Variants in ASNSD1 observed in about 807,000 individuals in gnomAD.
ASNSD1 encodes the protein asparagine synthetase domain containing 1.
In ASNSD1, 36 loss-of-function variants were observed where a neutral mutation model predicts 48.3. The observed-to-expected ratio is 0.75, with a 90% CI of 0.57 to 0.99. ASNSD1 has a LOEUF of 0.99. Ranked by LOEUF, ASNSD1 falls within the 50% of genes least tolerant of loss-of-function variation. ASNSD1 has a pLI of 0.00. For synonymous variants in ASNSD1, 257 were observed against 262.1 expected (o/e 0.98, Z 0.19); for missense variants, 714 against 758.2 (o/e 0.94, Z 0.69).
At chr2:189,661,708 G>A (rs573642262) in intron 1 of ASNSD1, 98 bp downstream of exon 1, 716 of 398,792 alleles carry the variant, frequency 1.8e-3, no homozygotes, top group Non-Finnish European at 2.7e-3. Context: ...GCCTGCCTGG[G>A]CCTCGGCTTT....
At chr2:189,670,355 G>C in intron 5 of ASNSD1, 86 bp from the exon 6 acceptor site, 1 of 1,151,018 alleles carries the variant, frequency 8.7e-7, no homozygotes, top group Non-Finnish European at 1.2e-6. Flanking sequence ...AAACAATTTG[G>C]TTAAATTTTA....
chr2:189,667,048 A>G lies in ASNSD1; in HGVS notation c.916A>G (p.Asn306Asp), dbSNP rs1189016175. 3.1e-6 allele frequency: 5 copies of G among 1,614,070 alleles called. No homozygotes were observed. The highest frequency in any genetic ancestry group is 4.2e-6 in the Non-Finnish European group (5 of 1,179,974). The change falls in exon 4 of 6, where the codon AAC becomes GAC. Residue 306 changes from asparagine (N) to aspartate (D), a missense_variant. By Grantham distance (23) the Asn-to-Asp change is conservative. Coordinates refer to ENST00000260952, the MANE Select transcript of ASNSD1 (RefSeq NM_019048.4). ...KRVLCLPRDE[N>D]LTANEVLKTC... ...TGTCTTGTGTTTACCTAGGGATGAA[A>G]ACCTGACAGCAAATGAAGTTTTGAA... is the stretch of plus-strand genomic sequence containing the variant.
chr2:189,665,939 TG>T, intron 3 of ASNSD1, 101 bp from the exon 4 acceptor site: 3 of 520,206 alleles, frequency 5.8e-6, no homozygotes, highest in Non-Finnish European at 9.9e-6. Flanking sequence ...TGTGTTTATA[TG>T]GTTTGATTTT....
At position 189,662,051 on chromosome 2, in the gene ASNSD1, C is replaced by G. The variant is rs143811884; in HGVS notation, c.-223+441C>G. On this transcript the variant is annotated intron_variant, in intron 1 of 5. Coordinates refer to ENST00000260952, the MANE Select transcript of ASNSD1 (RefSeq NM_019048.4). ...ATATGTCCCTTTATCACCGTGAACACTCTTACCACCCCAAATAAGCCACCG... is the reference window on the plus strand; with the variant it reads ...ATATGTCCCTTTATCACCGTGAACAGTCTTACCACCCCAAATAAGCCACCG... 3.2e-3 allele frequency among the ~76,000 whole-genome samples: 486 copies of G among 152,272 alleles called. 1 individual carries two copies. The highest frequency in any genetic ancestry group is 0.011 in the African/African-American group (470 of 41,558).
chr2:189,668,027 T>C, intron 5 of ASNSD1, 82 bp downstream of exon 5: 1 of 1,342,826 alleles, frequency 7.4e-7, no homozygotes, highest in Non-Finnish European at 1.0e-6. Flanking sequence ...GTTTGTTTTC[T>C]CTTTGGAGAC....
chr2:189,664,780 T>C (rs1179328274), intron 2 of ASNSD1, among the ~76,000 whole-genome samples: 1 of 151,556 alleles, frequency 6.6e-6, no homozygotes, highest in East Asian at 1.9e-4. Context: ...GCAGAATTAA[T>C]ACAGACTTTC....
At chr2:189,662,038 A>G (rs1479180403) in intron 1 of ASNSD1, among the ~76,000 whole-genome samples, 2 of 152,078 alleles carry the variant, frequency 1.3e-5, no homozygotes, top group Admixed American at 6.5e-5. Context: ...ATGTCCCTTT[A>G]TCACCGTGAA....
At position 189,667,077 on chromosome 2, in the gene ASNSD1, G is replaced by A. The variant is rs765347434; in HGVS notation, c.945G>A (p.Thr315=). ...TGACAGCAAATGAAGTTTTGAAAAC[G>A]TGTGATAGGAAAGCAAATGTTGCAA... is the stretch of plus-strand genomic sequence containing the variant. ...ENLTANEVLK[T]CDRKANVAIL... Residue 315 remains threonine, a synonymous_variant, in exon 4 of 6, where the codon ACG becomes ACA. Coordinates refer to ENST00000260952, the MANE Select transcript of ASNSD1 (RefSeq NM_019048.4). 11 of 1,614,124 alleles carry A rather than the reference G, an allele frequency of 6.8e-6. No individual in the cohort carries two copies. The highest frequency in any genetic ancestry group is 3.3e-5 in the Admixed American group (2 of 60,016).
rs990000625 is a variant in ASNSD1 at position 189,663,960 on chromosome 2, T to C, written c.-169+6T>C. The stretch of plus-strand genomic sequence containing the variant: ...CTAACCTTAAGAAGAATAGGGTGAG[T>C]TATTATAGGAATTCTGAATAATATG... On this transcript the variant is annotated splice_donor_region_variant and intron_variant, in intron 2 of 5. Transcript: ENST00000260952. 7.7e-6 allele frequency: 3 copies of C among 387,732 alleles called. No individual in the cohort carries two copies. In the East Asian group the frequency reaches 1.1e-4, roughly 14 times the overall value. 24.0% of individuals were successfully genotyped at this position (387,732 alleles called of 1,614,324 possible). A position where few individuals can be genotyped will look rare whatever the true frequency, so the allele number is the denominator to read the frequency against.
rs2032805664 is a variant in ASNSD1 at position 189,666,419 on chromosome 2, T to G, written c.287T>G (p.Phe96Cys). The G allele has an allele frequency of 1.2e-6, 2 of 1,613,900 alleles. No homozygotes were observed. Among genetic ancestry groups the G allele is most frequent in the South Asian group, 2.2e-5 (2 of 91,080 alleles). Residue 96 changes from phenylalanine to cysteine, a missense_variant, in exon 4 of 6, where the codon TTT becomes TGT. By Grantham distance (205) the Phe-to-Cys change is radical (BLOSUM62 -2). Coordinates refer to ENST00000260952, the MANE Select transcript of ASNSD1 (RefSeq NM_019048.4). ...GAAGAGAATGACACTCAAATTTTGTTTAATTATCTTTCCTCCTGTAAGAAT... is the reference window on the plus strand; with the variant it reads ...GAAGAGAATGACACTCAAATTTTGTGTAATTATCTTTCCTCCTGTAAGAAT... ...EAEENDTQIL[F>C]NYLSSCKNES...
rs150134004 is a variant in ASNSD1, at chr2:189,667,435, G to A, written c.1303G>A (p.Glu435Lys). 26 of 1,614,146 alleles carry A rather than the reference G, an allele frequency of 1.6e-5. No individual in the cohort carries two copies. In the African/African-American group the frequency reaches 3.2e-4, roughly 20 times the overall value. ...TTTTGTTGAAATTAATGTTTCTATG[G>A]AAGAACTGCAGAAATTAAGAAGAAC... Reference protein sequence around the residue: ...WNFVEINVSMEELQKLRRTRI... With the variant: ...WNFVEINVSMKELQKLRRTRI... Residue 435 changes from glutamate to lysine, a missense_variant, in exon 4 of 6, where the codon GAA (glutamate) becomes AAA (lysine). Coordinates refer to ENST00000260952, the MANE Select transcript of ASNSD1 (RefSeq NM_019048.4).
intron 1 of ASNSD1, among the ~76,000 whole-genome samples, chr2:189,663,069 C>T (rs770717171): frequency 1.1e-4 from 17 of 151,594 alleles, no homozygotes; most frequent in Non-Finnish European, 1.9e-4. Flanking sequence ...CCAAATAGGG[C>T]ATTGCTTGAT....
chr2:189,666,934 G>A lies in ASNSD1; in HGVS notation c.802G>A (p.Glu268Lys), dbSNP rs561617731. 6.2e-6 allele frequency: 10 copies of A among 1,614,094 alleles called. No homozygotes were observed. The highest frequency in any genetic ancestry group is 5.0e-5 in the Admixed American group (3 of 60,024). ...TATTTCCAATGTGCCACCTACAAGA[G>A]AGATACTTCAAGTCTTTCTTACTGA... ...SNISNVPPTR[E>K]ILQVFLTDVH... Residue 268 changes from glutamate (E) to lysine (K), a missense_variant, in exon 4 of 6, where the codon GAG (glutamate) becomes AAG (lysine). Coordinates refer to ENST00000260952, the MANE Select transcript of ASNSD1 (RefSeq NM_019048.4).
chr2:189,666,027 C>A lies in ASNSD1; in HGVS notation c.-92-14C>A. ...TTTATGTTATTTAATATTTATTCTC[C>A]TTCCCTGCAACAGATATATTGGATG... is the stretch of plus-strand genomic sequence containing the variant. On this transcript the variant is annotated splice_polypyrimidine_tract_variant and intron_variant, in intron 3 of 5. Transcript: ENST00000260952. 8.1e-7 allele frequency: 1 copy of A among 1,234,172 alleles called. No homozygotes were observed. Among genetic ancestry groups the A allele is most frequent in the Non-Finnish European group, 1.1e-6 (1 of 906,058 alleles). The allele number at this position is 1,234,172 out of a possible 1,614,324, so 76.5% of individuals were successfully genotyped here.
intron 2 of ASNSD1, 161 bp from the exon 3 acceptor site, chr2:189,665,215 A>G: frequency 2.7e-6 from 1 of 364,042 alleles, no homozygotes; most frequent in East Asian, 3.9e-5. Flanking sequence ...AATTTCTGGT[A>G]GTTGGGCAGT....
rs776372954 is a variant in ASNSD1, at chr2:189,666,045, A to G, written c.-88A>G. 168 of 1,373,994 alleles carry G rather than the reference A, an allele frequency of 1.2e-4. No individual in the cohort carries two copies. Among genetic ancestry groups the G allele is most frequent in the Non-Finnish European group, 1.6e-4 (165 of 1,020,218 alleles). 85.1% of individuals were successfully genotyped at this position (1,373,994 alleles called of 1,614,324 possible). A position where few individuals can be genotyped will look rare whatever the true frequency, so the allele number is the denominator to read the frequency against. ...TATTCTCCTTCCCTGCAACAGATATATTGGATGAACTGAAAAAAGAATACC... is the reference window on the plus strand; with the variant it reads ...TATTCTCCTTCCCTGCAACAGATATGTTGGATGAACTGAAAAAAGAATACC... On this transcript the variant is annotated 5_prime_UTR_variant, in exon 4 of 6. The change creates a new upstream start codon in the 5' untranslated region. Transcript: ENST00000260952.
intron 3 of ASNSD1, among the ~76,000 whole-genome samples, 166 bp downstream of exon 3, chr2:189,665,617 T>C (rs1198254394): frequency 1.2e-4 from 13 of 110,142 alleles, no homozygotes; most frequent in Admixed American, 5.0e-4. Context: ...TATATATATA[T>C]ATATATATAT....
intron 3 of ASNSD1, 118 bp from the exon 4 acceptor site, chr2:189,665,923 A>AGT: frequency 2.1e-6 from 1 of 476,116 alleles, no homozygotes; most frequent in Non-Finnish European, 3.7e-6. Context: ...GTACTGGCAC[A>AGT]GTGTGTGTGT....
intron 2 of ASNSD1, among the ~76,000 whole-genome samples, chr2:189,664,576 T>C (rs1486297390): frequency 6.6e-6 from 1 of 152,184 alleles, no homozygotes; most frequent in Admixed American, 6.5e-5. Flanking sequence ...TTGTCACTTA[T>C]GGAATATTAG....
Sources: gnomAD v4.1 joint callset for allele counts (sites outside exome capture counted in the v4.1 genomes callset) on GRCh38, gnomAD v4.1.1 for gene constraint, MANE v1.5 for transcripts, NCBI Gene and HGNC (gene_info 2026-07-23, HGNC 2026-07-21) for gene names.